The following FRMPD4 variants were observed in gnomAD, a reference collection of about 807,000 sequenced individuals.
FRMPD4 encodes the protein FERM and PDZ domain containing 4.
In FRMPD4, 22 loss-of-function variants were observed where a neutral mutation model predicts 94.1. The ratio of observed to expected loss-of-function variants is 0.23; its 90% CI spans 0.17 to 0.33. The LOEUF is 0.33. FRMPD4 is among the 10% of genes least tolerant of loss of function. The pLI is 1.00. For missense variants in FRMPD4, 1,111 were observed against 1,339.9 expected (o/e 0.83, Z 2.67); for synonymous variants, 631 against 548.6 (o/e 1.15, Z -2.10).
intron 4 of FRMPD4, among the ~76,000 whole-genome samples, chrX:12,664,410 G>A (rs1260273962): frequency 2.7e-5 from 3 of 112,125 alleles, no homozygotes; most frequent in Non-Finnish European, 5.6e-5. Context: ...TTTTTAGCAT[G>A]AAGAGGTGTT....
intron 1 of FRMPD4, among the ~76,000 whole-genome samples, chrX:12,191,945 A>T (rs1172385484): frequency 9.0e-6 from 1 of 111,673 alleles, no homozygotes. Context: ...TGGGATTTTG[A>T]TAGTTGGGGA....
At chrX:12,352,584 C>T (rs1170610660) in intron 1 of FRMPD4, among the ~76,000 whole-genome samples, 1 of 112,211 alleles carries the variant, frequency 8.9e-6, no homozygotes, top group Non-Finnish European at 1.9e-5. Flanking sequence ...GTATCTTTTT[C>T]ATTGTAGCCA....
chrX:12,424,719 C>G (rs2056925775), intron 1 of FRMPD4, among the ~76,000 whole-genome samples: 1 of 112,783 alleles, frequency 8.9e-6, no homozygotes, highest in African/African-American at 3.2e-5. Context: ...CTCCCAAATG[C>G]TCCGGTCTCT....
intron 1 of FRMPD4, among the ~76,000 whole-genome samples, chrX:12,406,159 A>C (rs113547363): frequency 0.03 from 3,344 of 110,516 alleles, 61 homozygotes; most frequent in Non-Finnish European, 0.048. Context: ...TGAACATCCT[A>C]TAACGCACAG....
At chrX:11,961,263 T>G (rs2054281833) in intron 3 of FRMPD4, among the ~76,000 whole-genome samples, 1 of 112,209 alleles carries the variant, frequency 8.9e-6, no homozygotes, top group East Asian at 2.8e-4. Context: ...TCTCCTCCTC[T>G]CTCAGATTGC....
chrX:12,695,179 T>C (rs1234001550), intron 9 of FRMPD4, among the ~76,000 whole-genome samples: 1 of 111,492 alleles, frequency 9.0e-6, no homozygotes, highest in Non-Finnish European at 1.9e-5. Flanking sequence ...TGTTTTCTTA[T>C]GATTAGATTG....
At chrX:12,360,957 GAA>G (rs71871271) in intron 1 of FRMPD4, among the ~76,000 whole-genome samples, 29 of 58,871 alleles carry the variant, frequency 4.9e-4, no homozygotes, top group African/African-American at 1.6e-3. Flanking sequence ...GCCATGAAAA[GAA>G]AAAAAAAAAA....
At chrX:12,573,164 G>A (rs2058776022) in intron 2 of FRMPD4, among the ~76,000 whole-genome samples, 1 of 111,804 alleles carries the variant, frequency 8.9e-6, no homozygotes, top group Admixed American at 9.5e-5. Flanking sequence ...TTGAGTTGAT[G>A]TATCCTGAGC....
intron 1 of FRMPD4, among the ~76,000 whole-genome samples, chrX:12,289,800 C>CT (rs1195165128): frequency 9.0e-6 from 1 of 111,707 alleles, no homozygotes; most frequent in African/African-American, 3.3e-5. Flanking sequence ...AGGCCAGTGC[C>CT]TTCTTGCAGG....
intron 1 of FRMPD4, among the ~76,000 whole-genome samples, chrX:12,413,573 C>T (rs2056762279): frequency 8.9e-6 from 1 of 112,286 alleles, no homozygotes; most frequent in South Asian, 3.7e-4. Context: ...TGCATTCTAG[C>T]TACACCAAGT....
At chrX:12,023,239 C>G (rs1344059098) in intron 3 of FRMPD4, among the ~76,000 whole-genome samples, 1 of 111,425 alleles carries the variant, frequency 9.0e-6, no homozygotes, top group Non-Finnish European at 1.9e-5. Context: ...TGATCGTATA[C>G]TTTTCAGCCT....
At chrX:12,090,497 C>A (rs1483658528) in intron 3 of FRMPD4, among the ~76,000 whole-genome samples, 1 of 109,413 alleles carries the variant, frequency 9.1e-6, no homozygotes, top group Non-Finnish European at 1.9e-5. Context: ...AATGTGGAAA[C>A]AAACTAATAC....
At chrX:12,553,190 A>AAGAGAGAG (rs1204188166) in intron 2 of FRMPD4, among the ~76,000 whole-genome samples, 1 of 108,829 alleles carries the variant, frequency 9.2e-6, no homozygotes, top group African/African-American at 3.4e-5. Context: ...GAAAGAAAGA[A>AAGAGAGAG]AGAGAGAGAG....
intron 2 of FRMPD4, among the ~76,000 whole-genome samples, chrX:11,874,494 A>C (rs771735181): frequency 8.9e-6 from 1 of 112,462 alleles, no homozygotes; most frequent in East Asian, 2.8e-4. Flanking sequence ...AGGCATTATA[A>C]GTAATCTAGC....
At chrX:12,420,009 A>C (rs955346614) in intron 1 of FRMPD4, among the ~76,000 whole-genome samples, 11 of 111,409 alleles carry the variant, frequency 9.9e-5, no homozygotes, top group African/African-American at 2.9e-4. Context: ...TCTTTCTGCC[A>C]ATCTTCATAC....
At chrX:12,195,088 T>A (rs935304400) in intron 1 of FRMPD4, among the ~76,000 whole-genome samples, 2 of 112,377 alleles carry the variant, frequency 1.8e-5, no homozygotes, top group Non-Finnish European at 3.8e-5. Flanking sequence ...TTCTGGTTTT[T>A]AAAAATACCG....
At chrX:12,181,222 T>G (rs1182223727) in intron 1 of FRMPD4, among the ~76,000 whole-genome samples, 1 of 111,639 alleles carries the variant, frequency 9.0e-6, no homozygotes, top group East Asian at 2.8e-4. Context: ...TGTCTTCAAG[T>G]ATGTGAAGAC....
At chrX:12,608,789 A>C (rs1455807557) in intron 2 of FRMPD4, among the ~76,000 whole-genome samples, 7 of 112,623 alleles carry the variant, frequency 6.2e-5, no homozygotes, top group Non-Finnish European at 9.4e-5. Context: ...TAAATCAGTG[A>C]ATAAAACCAA....
intron 4 of FRMPD4, among the ~76,000 whole-genome samples, chrX:12,636,221 G>T (rs1397726066): frequency 9.0e-6 from 1 of 111,676 alleles, no homozygotes; most frequent in Non-Finnish European, 1.9e-5. Flanking sequence ...TGGATATGTG[G>T]ATATTAAAAG....
Sources: gnomAD v4.1 joint callset for allele counts (sites outside exome capture counted in the v4.1 genomes callset) on GRCh38, gnomAD v4.1.1 for gene constraint, MANE v1.5 for transcripts, NCBI Gene and HGNC (gene_info 2026-07-23, HGNC 2026-07-21) for gene names.